Variants in DELE1 observed in about 807,000 individuals in gnomAD.
DELE1 encodes the protein DAP3 binding cell death enhancer 1.
DELE1 carries 54 observed loss-of-function variants against 59.3 expected under a neutral mutation model. The observed-to-expected ratio is 0.91, with a 90% CI of 0.73 to 1.14. The LOEUF (loss-of-function observed/expected upper bound fraction) is 1.14, where lower values mean the gene tolerates loss of function less well. Ranked by LOEUF, DELE1 falls within the 50% of genes most tolerant of loss-of-function variation. The pLI is 0.00. For missense variants in DELE1, 636 were observed against 643.9 expected, an observed-to-expected ratio of 0.99 and a Z score of 0.13; for synonymous variants, 264 against 259.1, an observed-to-expected ratio of 1.02 and a Z score of -0.18.
intron 2 of DELE1, 147 bp from the exon 3 acceptor site, chr5:141,925,263 A>G (rs990403346): frequency 8.7e-6 from 4 of 462,384 alleles, no homozygotes; most frequent in Non-Finnish European, 1.6e-5. Flanking sequence ...GGGTTTCACC[A>G]TCTTGACCAG....
intron 1 of DELE1, 113 bp downstream of exon 1, chr5:141,924,085 A>AG: frequency 7.2e-7 from 1 of 1,395,386 alleles, no homozygotes; most frequent in South Asian, 1.2e-5. Context: ...GAGCCAAGGA[A>AG]GGCGGGGCTT....
chr5:141,932,549 C>T (rs1235845081), intron 7 of DELE1, among the ~76,000 whole-genome samples: 1 of 152,208 alleles, frequency 6.6e-6, no homozygotes, highest in Non-Finnish European at 1.5e-5. Flanking sequence ...ATAGTATCTT[C>T]AGAGTGCTGC....
In DELE1 at chr5:141,930,056, T is replaced by G. The variant is rs377418159; in HGVS notation, c.639T>G (p.Pro213=). The change falls in exon 6 of 12, where the codon CCT becomes CCG. Residue 213 remains proline (P), a synonymous_variant. Coordinates refer to ENST00000432126, the MANE Select transcript of DELE1 (RefSeq NM_014773.5). ...SIESEAKPAQ[P]QPTGEKEQDK... is the part of the protein sequence containing the mutation. ...AGTCCGAGGCAAAACCAGCCCAGCC[T>G]CAGCCCACTGGTGAAAAGGTATTAT... 10 of 1,614,186 alleles carry G rather than the reference T, an allele frequency of 6.2e-6. No homozygotes were observed. The African/African-American group carries it at 1.3e-4, about 22-fold the overall frequency.
In DELE1 at chr5:141,930,032, G is replaced by A. The variant is rs757312975; in HGVS notation, c.615G>A (p.Glu205=). 1 of 1,614,198 alleles carries A rather than the reference G, an allele frequency of 6.2e-7. No homozygotes were observed. Among genetic ancestry groups the A allele is most frequent in the South Asian group, 1.1e-5 (1 of 91,084 alleles). Reference sequence around the variant, plus strand: ...TCCTGCATGCCAGTAGTAGCATCGAGTCCGAGGCAAAACCAGCCCAGCCTC... The same window carrying A: ...TCCTGCATGCCAGTAGTAGCATCGAATCCGAGGCAAAACCAGCCCAGCCTC... ...FGFLHASSSI[E]SEAKPAQPQP... is the part of the protein sequence containing the mutation. The change falls in exon 6 of 12, where the codon GAG becomes GAA. Residue 205 remains glutamate, a synonymous_variant. Coordinates refer to ENST00000432126, the MANE Select transcript of DELE1 (RefSeq NM_014773.5).
chr5:141,926,361 T>A (rs1360396605), intron 3 of DELE1, among the ~76,000 whole-genome samples: 1 of 152,112 alleles, frequency 6.6e-6, no homozygotes, highest in Non-Finnish European at 1.5e-5. Flanking sequence ...AACTCTGGAG[T>A]TCATGTTCTA....
rs766368782 is a variant in DELE1, at chr5:141,934,248, T to A, written c.906T>A (p.Leu302=). ...GTPRDISKAV[L]YYQLAASQGH... ...TTCTCCCTTTGCCCCAGGCGGTCCT[T>A]TATTATCAGTTGGCTGCCAGCCAGG... The change falls in exon 9 of 12, where the codon CTT becomes CTA. Residue 302 remains leucine (L), a synonymous_variant. Coordinates refer to ENST00000432126, the MANE Select transcript of DELE1 (RefSeq NM_014773.5). 6.2e-7 allele frequency: 1 copy of A among 1,608,606 alleles called. No homozygotes were observed. The highest frequency in any genetic ancestry group is 1.1e-5 in the South Asian group (1 of 90,924).
At chr5:141,933,003 G>C (rs1295607941) in intron 7 of DELE1, among the ~76,000 whole-genome samples, 5 of 150,870 alleles carry the variant, frequency 3.3e-5, no homozygotes, top group Admixed American at 3.3e-4. Flanking sequence ...GCTGAGGCAG[G>C]AGAATCGTTT....
rs769455107 is a variant in DELE1, at chr5:141,939,605, T to C, written c.*846T>C. 130 of 985,754 alleles carry C rather than the reference T, an allele frequency of 1.3e-4. No individual in the cohort carries two copies. In the African/African-American group the frequency reaches 1.6e-3, roughly 12 times the overall value. 61.1% of individuals were successfully genotyped at this position (985,754 alleles called of 1,614,324 possible). On this transcript the variant is annotated 3_prime_UTR_variant, in exon 12 of 12. Transcript: ENST00000432126. Reference sequence around the variant, plus strand: ...GAGCCTGTGGGTTCTCAGAGAGATATCACAATTTGAGTCCCAAAGAAGAGG... The same window carrying C: ...GAGCCTGTGGGTTCTCAGAGAGATACCACAATTTGAGTCCCAAAGAAGAGG...
In DELE1 at chr5:141,939,161, G is replaced by C. The variant is rs1752594099; in HGVS notation, c.*402G>C. 1.0e-6 allele frequency: 1 copy of C among 955,188 alleles called. No homozygotes were observed. Among genetic ancestry groups the C allele is most frequent in the Non-Finnish European group, 1.2e-6 (1 of 801,766 alleles). The allele number at this position is 955,188 out of a possible 1,614,324, so 59.2% of individuals were successfully genotyped here. Reference sequence around the variant, plus strand: ...CCAATGTCTGATGTGTGTATCCCTGGTTCACAAGAAGATTTTAGATGGTAT... The same window carrying C: ...CCAATGTCTGATGTGTGTATCCCTGCTTCACAAGAAGATTTTAGATGGTAT... On this transcript the variant is annotated 3_prime_UTR_variant, in exon 12 of 12. Transcript: ENST00000432126.
intron 1 of DELE1, 80 bp from the exon 2 acceptor site, chr5:141,924,501 T>G (rs1178259055): frequency 1.1e-5 from 9 of 826,516 alleles, no homozygotes; most frequent in Non-Finnish European, 1.9e-5. Flanking sequence ...TGTATCCATG[T>G]TTAAGAACCT....
rs1188275793 is a variant in DELE1 at position 141,938,609 on chromosome 5, C to T, written c.1398C>T (p.Thr466=). ...LCSLNTLLAG[T]SRLPHASSTG... ...GCTTGAACACCCTGCTAGCAGGAAC[C>T]TCACGCCTACCACATGCCTCGAGCA... The change falls in exon 12 of 12, where the codon ACC becomes ACT. Residue 466 remains threonine (T), a synonymous_variant. Transcript: ENST00000432126. 1.9e-6 allele frequency: 3 copies of T among 1,614,034 alleles called. No individual in the cohort carries two copies. The highest frequency in any genetic ancestry group is 2.5e-6 in the Non-Finnish European group (3 of 1,180,044).
At chr5:141,926,407 C>A (rs900949897) in intron 3 of DELE1, among the ~76,000 whole-genome samples, 1 of 152,040 alleles carries the variant, frequency 6.6e-6, no homozygotes, top group East Asian at 1.9e-4. Flanking sequence ...GAGCCTAGCC[C>A]GTAATAGTTG....
chr5:141,929,234 T>A (rs1435809659), intron 4 of DELE1, among the ~76,000 whole-genome samples: 2 of 152,138 alleles, frequency 1.3e-5, no homozygotes, highest in Non-Finnish European at 2.9e-5. Context: ...GCACTGATCC[T>A]CTTCTGACCT....
rs151086425 is a variant in DELE1, at chr5:141,929,651, G to C, written c.482G>C (p.Arg161Thr). 427 of 1,614,086 alleles carry C rather than the reference G, an allele frequency of 2.6e-4. 2 individuals carry two copies. The highest frequency in any genetic ancestry group is 3.4e-4 in the Non-Finnish European group (399 of 1,180,056). ...AGGCACACTGGCCTCAGGGAACCCAGGCTTGGCCAGGAAGAAGCCTCAGCT... is the reference window on the plus strand; with the variant it reads ...AGGCACACTGGCCTCAGGGAACCCACGCTTGGCCAGGAAGAAGCCTCAGCT... ...APRHTGLREPRLGQEEASAQP... is the reference protein window; with the variant it reads ...APRHTGLREPTLGQEEASAQP... Residue 161 changes from arginine to threonine, a missense_variant, in exon 5 of 12, where the codon AGG (arginine) becomes ACG (threonine). Physicochemically the swap from Arg to Thr is moderately conservative, Grantham distance 71. Transcript: ENST00000432126.
rs1421125622 is a variant in DELE1, at chr5:141,928,299, G to A, written c.412+1G>A. On this transcript the variant is annotated splice_donor_variant, in intron 4 of 11. Coordinates refer to ENST00000432126, the MANE Select transcript of DELE1 (RefSeq NM_014773.5). LOFTEE classifies it high-confidence loss of function. ...TCTCCCTTGTGGCACCCATGCTCCTGTGAGTTCTCAGTCCTGGGGACAGGA... is the reference window on the plus strand; with the variant it reads ...TCTCCCTTGTGGCACCCATGCTCCTATGAGTTCTCAGTCCTGGGGACAGGA... 3 of 1,613,760 alleles carry A rather than the reference G, an allele frequency of 1.9e-6. No homozygotes were observed. Among genetic ancestry groups the A allele is most frequent in the African/African-American group, 2.7e-5 (2 of 74,954 alleles).
In DELE1 at chr5:141,928,873, A is replaced by T. The variant is rs139647033; in HGVS notation, c.412+575A>T. Among the ~76,000 whole-genome samples, 41 of 149,626 alleles carry T rather than the reference A, an allele frequency of 2.7e-4. No individual in the cohort carries two copies. In the East Asian group the frequency reaches 7.7e-3, roughly 28 times the overall value. On this transcript the variant is annotated intron_variant, in intron 4 of 11. Transcript: ENST00000432126. ...ATGAGTTAATACATGTCAAGGACTT[A>T]GGGCAGTGCCTGACACATAGTAAGT...
At chr5:141,928,813 T>TGC (rs1751635877) in intron 4 of DELE1, among the ~76,000 whole-genome samples, 17 of 152,066 alleles carry the variant, frequency 1.1e-4, no homozygotes, top group African/African-American at 4.1e-4. Context: ...GGGGTAATAA[T>TGC]AAAACCCACC....
intron 7 of DELE1, among the ~76,000 whole-genome samples, chr5:141,932,729 G>T (rs1449584696): frequency 1.3e-5 from 2 of 152,190 alleles, no homozygotes; most frequent in Non-Finnish European, 2.9e-5. Context: ...ACCAAGAGAA[G>T]GAGGAATGGT....
rs1751999798 is a variant in DELE1, at chr5:141,932,595, T to TGA, written c.755-664_755-663insGA. 3.9e-5 allele frequency among the ~76,000 whole-genome samples: 6 copies of TGA among 152,284 alleles called. 1 individual carries two copies. The South Asian group carries it at 1.2e-3, about 32-fold the overall frequency. On this transcript the variant is annotated intron_variant, in intron 7 of 11. Transcript: ENST00000432126. ...AACCTACAAGGGCTGTTTTCTCTCC[T>TGA]TGTCCCAACCAGATCAAGGTTCAGA... is the stretch of plus-strand genomic sequence containing the variant.
Sources: allele counts gnomAD v4.1 joint callset (sites outside exome capture counted in the v4.1 genomes callset), GRCh38; gene constraint gnomAD v4.1.1; transcripts MANE v1.5; gene names NCBI Gene and HGNC (gene_info 2026-07-23, HGNC 2026-07-21).